The following ARFGEF3 variants were observed in gnomAD, a reference collection of about 807,000 sequenced individuals.
ARFGEF3 encodes ARFGEF family member 3, also known as brefeldin A-inhibited guanine nucleotide-exchange protein 3.
Under a neutral mutation model 221.7 loss-of-function variants are expected in ARFGEF3, and 96 were observed. The ratio of observed to expected loss-of-function variants is 0.43; its 90% CI spans 0.37 to 0.51. The LOEUF is 0.51. ARFGEF3 is among the 20% of genes least tolerant of loss of function. The probability of loss-of-function intolerance (pLI) is 0.00; values close to 1 mark genes in which losing one functional copy is unlikely to be tolerated. For synonymous variants in ARFGEF3, 1,145 were observed against 1,126.8 expected, an observed-to-expected ratio of 1.02 and a Z score of -0.32; for missense variants, 2,410 against 2,789.9, an observed-to-expected ratio of 0.86 and a Z score of 3.07.
intron 1 of ARFGEF3, among the ~76,000 whole-genome samples, chr6:138,166,601 A>G (rs1042298072): frequency 6.6e-6 from 1 of 152,322 alleles, no homozygotes; most frequent in Non-Finnish European, 1.5e-5. Context: ...GAAAGGAATG[A>G]ATTGGATGAA....
intron 24 of ARFGEF3, among the ~76,000 whole-genome samples, chr6:138,310,773 C>T (rs954677870): frequency 7.2e-5 from 11 of 152,108 alleles, no homozygotes; most frequent in African/African-American, 2.4e-4. Context: ...ACCTAGATAC[C>T]GCTCTACAGA....
chr6:138,315,425 G>A (rs1779905964), intron 26 of ARFGEF3, among the ~76,000 whole-genome samples: 1 of 152,128 alleles, frequency 6.6e-6, no homozygotes, highest in Admixed American at 6.5e-5. Context: ...TAACTTCTGG[G>A]TATAGGTTAT....
chr6:138,227,165 A>T (rs982264337), intron 4 of ARFGEF3, among the ~76,000 whole-genome samples: 3 of 149,298 alleles, frequency 2.0e-5, no homozygotes, highest in Admixed American at 2.0e-4. Flanking sequence ...GCCTGGGTGC[A>T]GGTATCCTCA....
chr6:138,231,717 A>G (rs1352003054), intron 5 of ARFGEF3, among the ~76,000 whole-genome samples: 1 of 152,214 alleles, frequency 6.6e-6, no homozygotes. Flanking sequence ...CTTCCTGCTT[A>G]CTTTTGTATA....
At chr6:138,177,918 G>A (rs953595529) in intron 2 of ARFGEF3, among the ~76,000 whole-genome samples, 10 of 151,858 alleles carry the variant, frequency 6.6e-5, no homozygotes, top group Non-Finnish European at 7.4e-5. Flanking sequence ...CTCATTGAGC[G>A]TGTTTAAAAT....
rs1780351525 is a variant in ARFGEF3 at position 138,337,556 on chromosome 6, A to G, written c.*1070A>G. ...TTCAATCTTAAAATATAATACAACA[A>G]TCTTGCAAAATTATGGTGTCAGTTA... On this transcript the variant is annotated 3_prime_UTR_variant, in exon 34 of 34. Transcript: ENST00000251691. 1 of 152,592 alleles carries G rather than the reference A, an allele frequency of 6.6e-6. No individual in the cohort carries two copies. The highest frequency in any genetic ancestry group is 6.5e-5 in the Admixed American group (1 of 15,278). The allele number at this position is 152,592 out of a possible 1,614,324, so 9.5% of individuals were successfully genotyped here. A position where few individuals can be genotyped will look rare whatever the true frequency, so the allele number is the denominator to read the frequency against.
intron 21 of ARFGEF3, among the ~76,000 whole-genome samples, chr6:138,297,953 G>A (rs146105239): frequency 1.7e-3 from 262 of 152,300 alleles, no homozygotes; most frequent in African/African-American, 6.1e-3. Context: ...GGTCTCTCAT[G>A]TAGACTAGAC....
chr6:138,248,387 G>A (rs1778523305), intron 8 of ARFGEF3, among the ~76,000 whole-genome samples: 1 of 152,104 alleles, frequency 6.6e-6, no homozygotes, highest in Non-Finnish European at 1.5e-5. Flanking sequence ...CCTTACCCCT[G>A]CTCCACCCCC....
At chr6:138,238,200 C>T (rs939509320) in intron 5 of ARFGEF3, among the ~76,000 whole-genome samples, 1 of 152,170 alleles carries the variant, frequency 6.6e-6, no homozygotes, top group African/African-American at 2.4e-5. Context: ...TAATTTCCAG[C>T]CACCTGAGTT....
chr6:138,194,989 A>ATTTTTTTTTTTTTTTTTTTTTTTT (rs747099029), intron 2 of ARFGEF3, among the ~76,000 whole-genome samples: 4 of 84,116 alleles, frequency 4.8e-5, no homozygotes, highest in Middle Eastern at 7.6e-3. Context: ...CTTTTCCCTA[A>ATTTTTTTTTTTTTTTTTTTTTTTT]TTTTTTTTTT....
At chr6:138,233,902 G>A (rs145977690) in intron 5 of ARFGEF3, among the ~76,000 whole-genome samples, 9 of 152,098 alleles carry the variant, frequency 5.9e-5, no homozygotes, top group African/African-American at 1.7e-4. Flanking sequence ...GCAGGACCAC[G>A]GCCTCAAACC....
chr6:138,311,164 T>G (rs1422355183), intron 24 of ARFGEF3, among the ~76,000 whole-genome samples: 1 of 152,164 alleles, frequency 6.6e-6, no homozygotes, highest in East Asian at 1.9e-4. Context: ...AACCATATAA[T>G]CTCAACAAAA....
At chr6:138,275,668 C>T (rs182699370) in intron 12 of ARFGEF3, among the ~76,000 whole-genome samples, 70 of 151,540 alleles carry the variant, frequency 4.6e-4, no homozygotes, top group African/African-American at 1.7e-3. Context: ...TGCTTGAACC[C>T]GGGAGGCAGA....
rs572228465 is a variant in ARFGEF3, at chr6:138,172,238, G to A, written c.137+1525G>A. On this transcript the variant is annotated intron_variant, in intron 2 of 33. Coordinates refer to ENST00000251691, the MANE Select transcript of ARFGEF3 (RefSeq NM_020340.5). ...ATGTCCAGCACATAGGAGGATGTGA[G>A]GACTTTCTATGAGCTGTGAAGGCAT... 6.0e-4 allele frequency among the ~76,000 whole-genome samples: 91 copies of A among 152,298 alleles called. 2 individuals are homozygous for A. The South Asian group carries it at 0.018, about 31-fold the overall frequency.
rs1779305194 is a variant in ARFGEF3 at position 138,286,842 on chromosome 6, A to G, written c.2711A>G (p.Asn904Ser). 1 of 1,614,032 alleles carries G rather than the reference A, an allele frequency of 6.2e-7. No homozygotes were observed. The highest frequency in any genetic ancestry group is 8.5e-7 in the Non-Finnish European group (1 of 1,179,902). The change falls in exon 16 of 34, where the codon AAC becomes AGC. Residue 904 changes from asparagine (N) to serine (S), a missense_variant. By Grantham distance (46) the Asn-to-Ser change is conservative. This residue lies in a region of ARFGEF3 where 594 missense variants were observed against 734.3 expected (regional missense o/e 0.81). Transcript: ENST00000251691. ...GGAGCTGAAGGCATCAAAGAGCAGA[A>G]CCAGAAGGAGCGGGACGCCATCTGC... ...ILGAEGIKEQ[N>S]QKERDAICMS...
At position 138,262,722 on chromosome 6, in the gene ARFGEF3, A is replaced by C. The variant is rs9376338; in HGVS notation, c.1239A>C (p.Glu413Asp). Reference sequence around the variant, plus strand: ...TTAGCATCATGGATGGCATGACCGAAGCATGCATCAAGGGTGGCATCGAAG... The same window carrying C: ...TTAGCATCATGGATGGCATGACCGACGCATGCATCAAGGGTGGCATCGAAG... The part of the protein sequence containing the change: ...LLKLIMDGMT[E>D]ACIKGGIEAC... Residue 413 changes from glutamate to aspartate, a missense_variant, in exon 12 of 34, where the codon GAA (glutamate) becomes GAC (aspartate). Transcript: ENST00000251691. 685 of 1,605,040 alleles carry C rather than the reference A, an allele frequency of 4.3e-4. 7 individuals carry two copies. In the East Asian group the frequency reaches 0.012, roughly 29 times the overall value.
At chr6:138,206,910 C>A in intron 2 of ARFGEF3, 132 bp from the exon 3 acceptor site, 1 of 661,728 alleles carries the variant, frequency 1.5e-6, no homozygotes, top group South Asian at 1.9e-5. Context: ...AGCCCATGTG[C>A]ATTTTTATTA....
At chr6:138,255,867 C>T (rs933497874) in intron 10 of ARFGEF3, 98 bp downstream of exon 10, 11 of 1,029,846 alleles carry the variant, frequency 1.1e-5, no homozygotes, top group Admixed American at 8.7e-5. Flanking sequence ...AATCACTTGC[C>T]GGAACTTCAT....
intron 10 of ARFGEF3, 107 bp downstream of exon 10, chr6:138,255,876 AT>A: frequency 2.2e-6 from 2 of 907,716 alleles, no homozygotes; most frequent in Non-Finnish European, 3.2e-6. Flanking sequence ...CCGGAACTTC[AT>A]TACTGCCTCA....
Sources: allele counts gnomAD v4.1 joint callset (sites outside exome capture counted in the v4.1 genomes callset), GRCh38; gene constraint gnomAD v4.1.1; regional missense constraint gnomAD v4.1.1; transcripts MANE v1.5; gene names NCBI Gene and HGNC (gene_info 2026-07-23, HGNC 2026-07-21).